The following CLMP variants were observed in gnomAD, a reference collection of about 807,000 sequenced individuals.
CLMP encodes CXADR like cell adhesion molecule.
In CLMP, 27 loss-of-function variants were observed where a neutral mutation model predicts 45.2. The observed-to-expected ratio is 0.60, with a 90% CI of 0.44 to 0.82. The LOEUF (loss-of-function observed/expected upper bound fraction) is 0.82, where lower values mean the gene tolerates loss of function less well. Ranked by LOEUF, CLMP falls within the 40% of genes least tolerant of loss-of-function variation. The pLI, the probability that CLMP is intolerant of heterozygous loss-of-function variation, is 0.00. For synonymous variants in CLMP, 167 were observed against 171.4 expected, an observed-to-expected ratio of 0.97 and a Z score of 0.20; for missense variants, 403 against 448.4, an observed-to-expected ratio of 0.90 and a Z score of 0.91.
intron 6 of CLMP, 29 bp downstream of exon 6, chr11:123,074,673 C>G (rs1184421953): frequency 6.2e-7 from 1 of 1,610,002 alleles, no homozygotes; most frequent in African/African-American, 1.3e-5. Flanking sequence ...AACAGAAGCC[C>G]CGTAAAAGTA....
chr11:123,119,938 T>TTTTCTA (rs1860790039), intron 1 of CLMP, among the ~76,000 whole-genome samples: 1 of 152,176 alleles, frequency 6.6e-6, no homozygotes, highest in African/African-American at 2.4e-5. Context: ...CCACCCACTC[T>TTTTCTA]GGCCTCCCAA....
chr11:123,186,393 C>T (rs1591490731), intron 1 of CLMP, among the ~76,000 whole-genome samples: 1 of 152,016 alleles, frequency 6.6e-6, no homozygotes, highest in Admixed American at 6.6e-5. Context: ...AGGGTAGAAC[C>T]CAGGAAAAGA....
intron 1 of CLMP, among the ~76,000 whole-genome samples, chr11:123,178,616 G>A (rs1425311062): frequency 1.3e-5 from 2 of 152,214 alleles, no homozygotes; most frequent in Non-Finnish European, 2.9e-5. Context: ...CTCCATTCAT[G>A]ATGGTTAGCA....
chr11:123,112,360 G>C (rs1336257162), intron 1 of CLMP, among the ~76,000 whole-genome samples: 2 of 142,422 alleles, frequency 1.4e-5, no homozygotes, highest in South Asian at 4.3e-4. Context: ...TTTTTGAGAC[G>C]GAGTTTTGCT....
chr11:123,146,386 A>G (rs1861238158), intron 1 of CLMP, among the ~76,000 whole-genome samples: 1 of 152,164 alleles, frequency 6.6e-6, no homozygotes, highest in African/African-American at 2.4e-5. Context: ...GCACATGTAC[A>G]CACTCAATAA....
chr11:123,090,356 A>G (rs1228926772), intron 2 of CLMP, among the ~76,000 whole-genome samples: 4 of 150,644 alleles, frequency 2.7e-5, no homozygotes, highest in African/African-American at 9.8e-5. Flanking sequence ...CAGGAGGTGG[A>G]GGTTGCGGTG....
At chr11:123,078,401 TC>T (rs1344366361) in intron 5 of CLMP, among the ~76,000 whole-genome samples, 3 of 152,132 alleles carry the variant, frequency 2.0e-5, no homozygotes, top group African/African-American at 7.2e-5. Flanking sequence ...GGAAAAGTAA[TC>T]CATAAAGTTA....
chr11:123,084,166 A>G (rs1865837269), intron 3 of CLMP, among the ~76,000 whole-genome samples: 1 of 152,226 alleles, frequency 6.6e-6, no homozygotes, highest in East Asian at 1.9e-4. Flanking sequence ...ACAGAAGTGT[A>G]TTAATTTGGA....
Position 123,141,173 on chromosome 11 carries a change from C to CTTTTTTTTTT in CLMP, c.29-43231_29-43222dup, listed in dbSNP as rs550888215. Among the ~76,000 whole-genome samples, 76 of 80,840 alleles carry CTTTTTTTTTT rather than the reference C, an allele frequency of 9.4e-4. 5 individuals are homozygous for CTTTTTTTTTT. The highest frequency in any genetic ancestry group is 1.2e-3 in the Non-Finnish European group (55 of 45,062). The allele number at this position is 80,840 out of a possible 152,430, so 53.0% of individuals were successfully genotyped here. ...GTACATTATCCAATCTCAGGCATTCCTTTTTTTTTTTTTTTTTTTTTTTTT... is the reference window on the plus strand; with the variant it reads ...GTACATTATCCAATCTCAGGCATTCCTTTTTTTTTTTTTTTTTTTTTTTTTTTTTTTTTTT... On this transcript the variant is annotated intron_variant, in intron 1 of 6. Transcript: ENST00000448775.
chr11:123,148,742 A>G (rs12280662), intron 1 of CLMP, among the ~76,000 whole-genome samples: 22,620 of 152,170 alleles, frequency 0.15, 1,934 homozygotes, highest in South Asian at 0.25. Flanking sequence ...GTACCTGCCT[A>G]ACATTTACAG....
Position 123,141,463 on chromosome 11 carries a change from T to C in CLMP, c.29-43511A>G, listed in dbSNP as rs180977452. Among the ~76,000 whole-genome samples the C allele has an allele frequency of 4.7e-4, 71 of 152,144 alleles. 1 individual carries two copies. The highest frequency in any genetic ancestry group is 1.8e-3 in the Admixed American group (28 of 15,282). ...CCTCCCAAAGTGCTGGGATTACAGGTGTGAGCCACCGCGCCCGGCCAGGCA... is the reference window on the plus strand; with the variant it reads ...CCTCCCAAAGTGCTGGGATTACAGGCGTGAGCCACCGCGCCCGGCCAGGCA... On this transcript the variant is annotated intron_variant, in intron 1 of 6. Transcript: ENST00000448775.
chr11:123,183,042 T>C (rs1861789545), intron 1 of CLMP, among the ~76,000 whole-genome samples: 1 of 152,234 alleles, frequency 6.6e-6, no homozygotes, highest in Non-Finnish European at 1.5e-5. Context: ...GGTATGAATC[T>C]TCATTTCCAT....
At chr11:123,087,532 A>C (rs1386468011) in intron 2 of CLMP, among the ~76,000 whole-genome samples, 2 of 151,298 alleles carry the variant, frequency 1.3e-5, no homozygotes, top group Non-Finnish European at 2.9e-5. Flanking sequence ...GAAATAAATA[A>C]ATATTTGCGG....
At chr11:123,076,939 A>T (rs941805994) in intron 5 of CLMP, among the ~76,000 whole-genome samples, 1 of 151,598 alleles carries the variant, frequency 6.6e-6, no homozygotes, top group South Asian at 2.1e-4. Flanking sequence ...AAACAAGTAC[A>T]TGGATATTGC....
At chr11:123,137,651 T>C (rs1220923134) in intron 1 of CLMP, among the ~76,000 whole-genome samples, 1 of 151,762 alleles carries the variant, frequency 6.6e-6, no homozygotes, top group African/African-American at 2.4e-5. Flanking sequence ...GCTGCCCTGA[T>C]ATTTCCGGAA....
intron 2 of CLMP, among the ~76,000 whole-genome samples, chr11:123,090,328 C>A (rs1447143231): frequency 6.6e-6 from 1 of 151,314 alleles, no homozygotes. Context: ...GTGGCATGCA[C>A]CTGTACTCCC....
At chr11:123,142,951 C>T (rs1034969464) in intron 1 of CLMP, among the ~76,000 whole-genome samples, 1 of 152,264 alleles carries the variant, frequency 6.6e-6, no homozygotes, top group East Asian at 1.9e-4. Context: ...AACAGGCAGT[C>T]CTACTCCTAG....
intron 1 of CLMP, among the ~76,000 whole-genome samples, chr11:123,175,372 C>A (rs1034776726): frequency 2.0e-5 from 3 of 152,208 alleles, no homozygotes; most frequent in Non-Finnish European, 4.4e-5. Flanking sequence ...AGAACTCACT[C>A]ACTATCATGA....
chr11:123,155,726 G>T (rs1441073717), intron 1 of CLMP, among the ~76,000 whole-genome samples: 2 of 152,146 alleles, frequency 1.3e-5, no homozygotes, highest in South Asian at 2.1e-4. Flanking sequence ...TCATGTCCTT[G>T]TATAGTCCCT....
Sources: gnomAD v4.1 joint callset for allele counts (sites outside exome capture counted in the v4.1 genomes callset) on GRCh38, gnomAD v4.1.1 for gene constraint, MANE v1.5 for transcripts, NCBI Gene and HGNC (gene_info 2026-07-23, HGNC 2026-07-21) for gene names.